Variants in FOCAD observed in about 807,000 individuals in gnomAD.
The protein encoded by FOCAD is KIAA1797.
Under a neutral mutation model 225.6 loss-of-function variants are expected in FOCAD, and 198 were observed. The ratio of observed to expected loss-of-function variants is 0.88; its 90% confidence interval spans 0.78 to 0.99. The LOEUF is 0.99. Among genes scored for constraint, FOCAD ranks in the 50% least tolerant of loss-of-function variants. The probability of loss-of-function intolerance (pLI) is 0.00; values close to 1 mark genes in which losing one functional copy is unlikely to be tolerated. For missense variants in FOCAD, 2,713 were observed against 2,123.6 expected (o/e 1.28, Z -5.46); for synonymous variants, 897 against 755.0 (o/e 1.19, Z -3.08).
At chr9:20,917,489 C>G (rs140003083) in intron 24 of FOCAD, among the ~76,000 whole-genome samples, 96 of 152,274 alleles carry the variant, frequency 6.3e-4, no homozygotes, top group African/African-American at 2.2e-3. Flanking sequence ...TAAGCCAGCT[C>G]TCACTAAAAA....
chr9:20,988,900 T>G (rs193029450), intron 41 of FOCAD, among the ~76,000 whole-genome samples: 1 of 152,266 alleles, frequency 6.6e-6, no homozygotes, highest in East Asian at 1.9e-4. Flanking sequence ...ATGCAGATAA[T>G]CTTATGTGTG....
chr9:20,668,706 A>C (rs1785431231), intron 2 of FOCAD, among the ~76,000 whole-genome samples: 1 of 152,230 alleles, frequency 6.6e-6, no homozygotes, highest in Non-Finnish European at 1.5e-5. Context: ...TCCACATATG[A>C]ACTGGCCTAC....
At chr9:20,681,215 C>G (rs1202460020), upstream of FOCAD, among the ~76,000 whole-genome samples, 1 of 152,102 alleles carries the variant, frequency 6.6e-6, no homozygotes, top group Non-Finnish European at 1.5e-5. Flanking sequence ...AAATAAAATT[C>G]CCAACAAGTA....
chr9:20,831,792 A>G (rs1825518571), intron 15 of FOCAD, among the ~76,000 whole-genome samples: 4 of 152,106 alleles, frequency 2.6e-5, no homozygotes. Flanking sequence ...GCTTACTAAA[A>G]TCAATTTTAG....
At chr9:20,709,309 A>G (rs1420426309) in intron 1 of FOCAD, among the ~76,000 whole-genome samples, 1 of 152,202 alleles carries the variant, frequency 6.6e-6, no homozygotes, top group Non-Finnish European at 1.5e-5. Context: ...AAATCTTTGA[A>G]AATCAAACAT....
intron 11 of FOCAD, among the ~76,000 whole-genome samples, chr9:20,793,957 C>T (rs921424597): frequency 2.6e-5 from 4 of 152,168 alleles, no homozygotes; most frequent in African/African-American, 9.7e-5. Context: ...CGTGGCCAGA[C>T]AACCTGAAGT....
At chr9:20,872,120 T>C (rs565171571) in intron 18 of FOCAD, among the ~76,000 whole-genome samples, 19 of 152,248 alleles carry the variant, frequency 1.2e-4, no homozygotes, top group African/African-American at 4.6e-4. Context: ...TTGTAATTTC[T>C]TTGCTAAAAT....
chr9:20,928,000 A>C (rs1235356197), intron 26 of FOCAD: 4 of 152,056 alleles, frequency 2.6e-5, no homozygotes, highest in Non-Finnish European at 1.5e-5. Flanking sequence ...TTGGAAGATA[A>C]ATTTTGCTCA....
intron 15 of FOCAD, among the ~76,000 whole-genome samples, chr9:20,857,978 G>A (rs74356622): frequency 0.023 from 3,503 of 151,958 alleles, 121 homozygotes; most frequent in African/African-American, 0.076. Context: ...TTAATGTATT[G>A]TTGAATTTGT....
intron 11 of FOCAD, among the ~76,000 whole-genome samples, chr9:20,800,635 C>T (rs185647349): frequency 2.6e-5 from 4 of 152,104 alleles, no homozygotes; most frequent in Non-Finnish European, 4.4e-5. Flanking sequence ...TCCAGTTGAT[C>T]GAATCGGCTA....
intron 17 of FOCAD, 75 bp from the exon 18 acceptor site, chr9:20,866,854 T>G: frequency 2.3e-6 from 2 of 858,530 alleles, no homozygotes; most frequent in Non-Finnish European, 1.8e-6. Context: ...CCAGATTTGA[T>G]GTTTAATGCA....
intron 15 of FOCAD, among the ~76,000 whole-genome samples, chr9:20,831,264 T>G (rs986620325): frequency 2.6e-5 from 4 of 152,098 alleles, no homozygotes; most frequent in Non-Finnish European, 5.9e-5. Flanking sequence ...CCAGTTATCA[T>G]TTATTCATTC....
At chr9:20,982,535 T>C in intron 39 of FOCAD, 89 bp downstream of exon 39, 1 of 1,035,896 alleles carries the variant, frequency 9.7e-7, no homozygotes, top group Non-Finnish European at 1.5e-6. Flanking sequence ...TGAAGCAAGT[T>C]TTGCTTCATT....
At position 20,719,329 on chromosome 9, in the gene FOCAD, C is replaced by T. The variant is rs868103059; in HGVS notation, c.133-1051C>T. Among the ~76,000 whole-genome samples the T allele has an allele frequency of 3.9e-5, 6 of 152,300 alleles. No homozygotes were observed. In the Middle Eastern group the frequency reaches 0.01, roughly 259 times the overall value. The stretch of plus-strand genomic sequence containing the variant: ...AACTTCTGACCTCAGTTGATCCACC[C>T]GCCTTGGCCTCCCAAAGTGTTGGGA... On this transcript the variant is annotated intron_variant, in intron 3 of 43. Coordinates refer to ENST00000338382, the MANE Select transcript of FOCAD (RefSeq NM_001375567.1).
intron 11 of FOCAD, among the ~76,000 whole-genome samples, chr9:20,813,472 A>C (rs1334093831): frequency 6.6e-6 from 1 of 152,168 alleles, no homozygotes; most frequent in African/African-American, 2.4e-5. Context: ...CATTCCCACC[A>C]ACAGTGCACA....
chr9:20,978,460 T>C lies in FOCAD; in HGVS notation c.4377+6T>C, dbSNP rs1374849079. 1 of 1,580,988 alleles carries C rather than the reference T, an allele frequency of 6.3e-7. No homozygotes were observed. The highest frequency in any genetic ancestry group is 8.6e-7 in the Non-Finnish European group (1 of 1,157,024). On this transcript the variant is annotated splice_donor_region_variant and intron_variant, in intron 37 of 43. Coordinates refer to ENST00000338382, the MANE Select transcript of FOCAD (RefSeq NM_001375567.1). ...CACTGATCCACAGTCTGAGTGTATG[T>C]AGTAACTAAGGGTGTTGGCCAACAG...
intron 31 of FOCAD, 115 bp downstream of exon 31, chr9:20,948,508 A>C (rs1291092726): frequency 9.1e-7 from 1 of 1,104,458 alleles, no homozygotes; most frequent in Non-Finnish European, 1.3e-6. Flanking sequence ...AAGAATAGGC[A>C]ATTTTAAATG....
intron 12 of FOCAD, 38 bp from the exon 13 acceptor site, chr9:20,820,286 C>G: frequency 1.3e-6 from 2 of 1,491,588 alleles, no homozygotes; most frequent in African/African-American, 1.4e-5. Context: ...TGTCTGCATT[C>G]AAGTTTATGC....
intron 1 of FOCAD, among the ~76,000 whole-genome samples, chr9:20,713,156 G>A (rs985402395): frequency 1.3e-5 from 2 of 152,216 alleles, no homozygotes; most frequent in African/African-American, 4.8e-5. Flanking sequence ...TCTTTGTGCA[G>A]TAGCTTTCCA....
Sources: gnomAD v4.1 joint callset for allele counts (sites outside exome capture counted in the v4.1 genomes callset) on GRCh38, gnomAD v4.1.1 for gene constraint, MANE v1.5 for transcripts, NCBI Gene and HGNC (gene_info 2026-07-23, HGNC 2026-07-21) for gene names.